The following KIF6 variants were observed in gnomAD, a reference collection of about 807,000 sequenced individuals.
The protein encoded by KIF6 is kinesin family member 6.
Under a neutral mutation model 112.7 loss-of-function variants are expected in KIF6, and 106 were observed. That is an observed-to-expected ratio of 0.94 (90% CI 0.80 to 1.11). The LOEUF is 1.11. Ranked by LOEUF, KIF6 falls within the 50% of genes least tolerant of loss-of-function variation. The pLI is 0.00. For synonymous variants in KIF6, 339 were observed against 339.9 expected (o/e 1.00, Z 0.03); for missense variants, 929 against 964.0 (o/e 0.96, Z 0.48).
intron 10 of KIF6, among the ~76,000 whole-genome samples, chr6:39,571,270 G>A (rs555464792): frequency 1.1e-4 from 17 of 151,648 alleles, no homozygotes; most frequent in Admixed American, 3.3e-4. Context: ...TGTTCTTATC[G>A]TCACCATTCA....
chr6:39,506,363 T>C (rs1288099568), intron 13 of KIF6, among the ~76,000 whole-genome samples: 1 of 151,964 alleles, frequency 6.6e-6, no homozygotes, highest in Non-Finnish European at 1.5e-5. Flanking sequence ...TGTTGGGGGT[T>C]GGGCACGAGG....
intron 13 of KIF6, among the ~76,000 whole-genome samples, chr6:39,441,546 G>A (rs778794805): frequency 1.3e-5 from 2 of 152,150 alleles, no homozygotes; most frequent in African/African-American, 2.4e-5. Flanking sequence ...CATCTGTCAC[G>A]GTTCTGCTGA....
intron 15 of KIF6, among the ~76,000 whole-genome samples, chr6:39,410,527 T>A (rs1460262012): frequency 2.0e-5 from 3 of 152,154 alleles, no homozygotes; most frequent in Non-Finnish European, 4.4e-5. Flanking sequence ...ATTAAACAGA[T>A]CCCTGACAAT....
At chr6:39,454,548 A>AC (rs966132603) in intron 13 of KIF6, among the ~76,000 whole-genome samples, 31 of 151,678 alleles carry the variant, frequency 2.0e-4, no homozygotes, top group Non-Finnish European at 4.6e-4. Context: ...AAAAAAAAAA[A>AC]AAAAGATCGA....
chr6:39,449,114 A>G (rs575715675), intron 13 of KIF6, among the ~76,000 whole-genome samples: 16 of 152,176 alleles, frequency 1.1e-4, no homozygotes, highest in African/African-American at 3.6e-4. Context: ...AGTCGTTGCC[A>G]TTTCTTCTCT....
intron 10 of KIF6, among the ~76,000 whole-genome samples, chr6:39,564,447 G>A (rs997520665): frequency 6.6e-6 from 1 of 152,148 alleles, no homozygotes; most frequent in Non-Finnish European, 1.5e-5. Context: ...TTAGAGTTAG[G>A]TTTCAAGAAC....
chr6:39,355,773 T>C (rs1242700695), intron 19 of KIF6, among the ~76,000 whole-genome samples: 1 of 137,684 alleles, frequency 7.3e-6, no homozygotes. Flanking sequence ...ATAGTTGTTT[T>C]TTAAGAATAC....
Position 39,356,908 on chromosome 6 carries a change from C to T in KIF6, c.2180+369G>A, listed in dbSNP as rs138075990. Among the ~76,000 whole-genome samples the T allele has an allele frequency of 3.5e-3, 538 of 152,286 alleles. 1 individual carries two copies. Among genetic ancestry groups the T allele is most frequent in the African/African-American group, 0.012 (515 of 41,560 alleles). On this transcript the variant is annotated intron_variant, in intron 19 of 22. Transcript: ENST00000287152. Reference sequence around the variant, plus strand: ...GCTCCCCTGTGTCTCAGTAGGCGGGCTACCCACTGTCCCACCACCACTGTC... The same window carrying T: ...GCTCCCCTGTGTCTCAGTAGGCGGGTTACCCACTGTCCCACCACCACTGTC...
intron 13 of KIF6, among the ~76,000 whole-genome samples, chr6:39,463,389 TA>T (rs1314856869): frequency 1.3e-5 from 2 of 152,214 alleles, no homozygotes; most frequent in Non-Finnish European, 2.9e-5. Context: ...AAAAACATGT[TA>T]TTTTTTCAGA....
chr6:39,473,185 CAAAAA>C (rs911082643), intron 13 of KIF6, among the ~76,000 whole-genome samples: 1 of 147,494 alleles, frequency 6.8e-6, no homozygotes, highest in Non-Finnish European at 1.5e-5. Context: ...AGCACCCGGT[CAAAAA>C]AAAAGGTGCA....
rs1378813703 is a variant in KIF6, at chr6:39,334,633, T to TA, written c.*1898dup. ...ATCTCAAAAAATAAATAAAAGAAAG[T>TA]AAAAATAAAAGAAAATAAAAGTTAG... On this transcript the variant is annotated 3_prime_UTR_variant, in exon 23 of 23. Transcript: ENST00000287152. 3.3e-5 allele frequency: 5 copies of TA among 151,706 alleles called. No homozygotes were observed. The highest frequency in any genetic ancestry group is 5.9e-5 in the Non-Finnish European group (4 of 67,992). The allele number at this position is 151,706 out of a possible 1,614,324, so 9.4% of individuals were successfully genotyped here.
chr6:39,430,658 C>T (rs1021128647), intron 14 of KIF6, among the ~76,000 whole-genome samples: 1 of 152,218 alleles, frequency 6.6e-6, no homozygotes, highest in African/African-American at 2.4e-5. Context: ...TTGACTAAGA[C>T]AGGACTGCTC....
intron 9 of KIF6, among the ~76,000 whole-genome samples, chr6:39,579,548 T>G (rs930940616): frequency 2.0e-5 from 3 of 152,162 alleles, no homozygotes; most frequent in African/African-American, 7.2e-5. Flanking sequence ...GCAGTGTTCT[T>G]TTTGTTAAAT....
chr6:39,457,130 C>A (rs1773175230), intron 13 of KIF6, among the ~76,000 whole-genome samples: 1 of 150,762 alleles, frequency 6.6e-6, no homozygotes, highest in Admixed American at 6.6e-5. Flanking sequence ...GTAAAACTCT[C>A]CTCAGCAAAT....
intron 14 of KIF6, among the ~76,000 whole-genome samples, chr6:39,429,986 G>A (rs540804475): frequency 3.3e-5 from 5 of 152,154 alleles, no homozygotes; most frequent in South Asian, 2.1e-4. Context: ...CTCCATGCCC[G>A]GCAGTCCAGC....
chr6:39,536,158 A>G (rs1349630489), intron 13 of KIF6, among the ~76,000 whole-genome samples: 1 of 151,530 alleles, frequency 6.6e-6, no homozygotes, highest in Non-Finnish European at 1.5e-5. Flanking sequence ...AAAGAACTAG[A>G]AAAGCAAGAG....
intron 1 of KIF6, among the ~76,000 whole-genome samples, chr6:39,723,182 T>C (rs1258589981): frequency 1.3e-5 from 2 of 152,206 alleles, no homozygotes; most frequent in East Asian, 1.9e-4. Context: ...AATGGGAAGA[T>C]ACCCATGGTT....
intron 13 of KIF6, among the ~76,000 whole-genome samples, chr6:39,483,925 A>G (rs1465368102): frequency 6.6e-6 from 1 of 152,240 alleles, no homozygotes; most frequent in East Asian, 1.9e-4. Flanking sequence ...GTCAGGAACC[A>G]GGGATAACAA....
At position 39,482,974 on chromosome 6, in the gene KIF6, C is replaced by T. The variant is rs530693653; in HGVS notation, c.1646-51813G>A. 6.6e-5 allele frequency among the ~76,000 whole-genome samples: 10 copies of T among 152,340 alleles called. No homozygotes were observed. In the South Asian group the frequency reaches 8.3e-4, roughly 13 times the overall value. On this transcript the variant is annotated intron_variant, in intron 13 of 22. Transcript: ENST00000287152. ...ACCAGAGCCCAGGCTTCTTCTCTCC[C>T]GATCCAGGCTTCCCTTTCCTGTCAG...
Sources: allele counts gnomAD v4.1 joint callset (sites outside exome capture counted in the v4.1 genomes callset), GRCh38; gene constraint gnomAD v4.1.1; transcripts MANE v1.5; gene names NCBI Gene and HGNC (gene_info 2026-07-23, HGNC 2026-07-21).